KIF16B: variants seen among roughly 807,000 people sequenced by gnomAD.
KIF16B encodes the protein kinesin-like protein KIF16B.
Under a neutral mutation model 156.3 loss-of-function variants are expected in KIF16B, and 98 were observed. That is an observed-to-expected ratio of 0.63 (90% CI 0.53 to 0.74). The LOEUF is 0.74. Among genes scored for constraint, KIF16B ranks in the 30% least tolerant of loss-of-function variants. KIF16B has a pLI of 0.00. For synonymous variants in KIF16B, 564 were observed against 583.7 expected (o/e 0.97, Z 0.49); for missense variants, 1,421 against 1,606.5 (o/e 0.88, Z 1.97).
chr20:16,427,538 TA>T (rs1183305408), intron 14 of KIF16B, among the ~76,000 whole-genome samples: 1 of 151,876 alleles, frequency 6.6e-6, no homozygotes, highest in Admixed American at 6.6e-5. Flanking sequence ...AACAGTCGAG[TA>T]ACTTGTTTTA....
intron 12 of KIF16B, among the ~76,000 whole-genome samples, chr20:16,456,705 C>T (rs944991262): frequency 6.6e-6 from 1 of 152,186 alleles, no homozygotes; most frequent in Admixed American, 6.5e-5. Flanking sequence ...CAACGCTATG[C>T]TCTACTACTC....
chr20:16,452,702 G>A (rs1383969244), intron 12 of KIF16B, among the ~76,000 whole-genome samples: 2 of 152,108 alleles, frequency 1.3e-5, no homozygotes. Flanking sequence ...GGGCGTGGTG[G>A]TGGGTGCCTG....
intron 23 of KIF16B, among the ~76,000 whole-genome samples, chr20:16,354,825 A>G (rs2064406250): frequency 6.6e-6 from 1 of 152,164 alleles, no homozygotes; most frequent in Admixed American, 6.5e-5. Flanking sequence ...ACATGCCTGT[A>G]ATCCCAGCTA....
intron 1 of KIF16B, among the ~76,000 whole-genome samples, chr20:16,567,824 C>T (rs1200312654): frequency 2.6e-5 from 4 of 152,046 alleles, no homozygotes; most frequent in Admixed American, 1.3e-4. Flanking sequence ...TGGTGGCGGG[C>T]GCCTGTAGTC....
chr20:16,440,543 A>G (rs879835676), intron 12 of KIF16B, among the ~76,000 whole-genome samples: 26,250 of 86,364 alleles, frequency 0.3, 2,564 homozygotes, highest in Middle Eastern at 0.35. Context: ...GCACACACAC[A>G]CACACACACA....
chr20:16,472,808 C>A (rs1031898754), intron 12 of KIF16B, among the ~76,000 whole-genome samples: 6 of 152,126 alleles, frequency 3.9e-5, no homozygotes, highest in African/African-American at 1.4e-4. Context: ...TGTGCCACTA[C>A]CATGCCAATC....
chr20:16,544,084 G>A (rs1048988312), intron 1 of KIF16B, among the ~76,000 whole-genome samples: 2 of 152,156 alleles, frequency 1.3e-5, no homozygotes, highest in African/African-American at 4.8e-5. Context: ...CAAACAGGGT[G>A]GAAGTCATCA....
intron 12 of KIF16B, among the ~76,000 whole-genome samples, chr20:16,472,553 T>TAAAAAAAAAAAAAAAA (rs11318601): frequency 3.5e-5 from 4 of 113,560 alleles, no homozygotes; most frequent in Non-Finnish European, 7.0e-5. Flanking sequence ...CATCTGAAAT[T>TAAAAAAAAAAAAAAAA]AAAAAAAAAA....
intron 17 of KIF16B, among the ~76,000 whole-genome samples, chr20:16,403,925 G>C (rs1000171237): frequency 1.3e-5 from 2 of 152,204 alleles, no homozygotes; most frequent in Admixed American, 1.3e-4. Context: ...CAAAGCATGA[G>C]TGATGGAATC....
In KIF16B at chr20:16,381,795, A is replaced by C. The variant is rs1027692784; in HGVS notation, c.1785-48T>G. 4 of 1,462,116 alleles carry C rather than the reference A, an allele frequency of 2.7e-6. No homozygotes were observed. In the African/African-American group the frequency reaches 4.2e-5, roughly 15 times the overall value. The allele number at this position is 1,462,116 out of a possible 1,614,324, so 90.6% of individuals were successfully genotyped here. A position where few individuals can be genotyped will look rare whatever the true frequency, so the allele number is the denominator to read the frequency against. On this transcript the variant is annotated intron_variant, in intron 17 of 25. Coordinates refer to ENST00000354981, the MANE Select transcript of KIF16B (RefSeq NM_024704.5). ...AGTCACTTTTCTAAAGAGCTTTTCT[A>C]TCTCTCTCTCACTCTCTGTATACAG... is the stretch of plus-strand genomic sequence containing the variant.
chr20:16,479,319 A>C (rs1397909441), intron 12 of KIF16B, among the ~76,000 whole-genome samples: 1 of 152,150 alleles, frequency 6.6e-6, no homozygotes, highest in Non-Finnish European at 1.5e-5. Flanking sequence ...AATATAAAGA[A>C]GACACAGGGA....
intron 11 of KIF16B, among the ~76,000 whole-genome samples, chr20:16,495,498 A>T (rs2068424218): frequency 6.6e-6 from 1 of 152,198 alleles, no homozygotes; most frequent in South Asian, 2.1e-4. Context: ...CCTATAGTCA[A>T]TCATTCAGGG....
At position 16,420,955 on chromosome 20, in the gene KIF16B, A is replaced by G. The variant is rs370835007; in HGVS notation, c.1612+6149T>C. On this transcript the variant is annotated intron_variant, in intron 15 of 25. Transcript: ENST00000354981. ...ATAGCACACACATTAAGTTATAATTATTTAAGTTTCAGAGAAATAATGCAT... is the reference window on the plus strand; with the variant it reads ...ATAGCACACACATTAAGTTATAATTGTTTAAGTTTCAGAGAAATAATGCAT... Among the ~76,000 whole-genome samples, 3 of 152,268 alleles carry G rather than the reference A, an allele frequency of 2.0e-5. No individual in the cohort carries two copies. The East Asian group carries it at 5.8e-4, about 29-fold the overall frequency.
At chr20:16,426,744 A>G (rs929962029) in intron 15 of KIF16B, among the ~76,000 whole-genome samples, 1 of 152,166 alleles carries the variant, frequency 6.6e-6, no homozygotes. Context: ...TGTTACAATT[A>G]TATCTATTAA....
At chr20:16,329,839 A>T (rs6075046) in intron 24 of KIF16B, among the ~76,000 whole-genome samples, 22,299 of 152,232 alleles carry the variant, frequency 0.15, 1,735 homozygotes, top group Admixed American at 0.16. Flanking sequence ...ACAACAATTT[A>T]AAAAACCCTG....
At chr20:16,438,363 AATACAACTT>A (rs1017260768) in intron 12 of KIF16B, among the ~76,000 whole-genome samples, 8 of 152,196 alleles carry the variant, frequency 5.3e-5, no homozygotes, top group African/African-American at 1.2e-4. Flanking sequence ...AGAGACTATT[AATACAACTT>A]TTATTACAGT....
At chr20:16,505,680 A>C (rs1194790248) in intron 9 of KIF16B, 42 bp downstream of exon 9, 1 of 1,558,746 alleles carries the variant, frequency 6.4e-7, no homozygotes, top group Admixed American at 1.8e-5. Flanking sequence ...GTTAATTCAC[A>C]GAAAATATTG....
intron 25 of KIF16B, among the ~76,000 whole-genome samples, chr20:16,306,430 A>T (rs1330734995): frequency 6.6e-6 from 1 of 152,178 alleles, no homozygotes; most frequent in Non-Finnish European, 1.5e-5. Flanking sequence ...TCTAATCTTT[A>T]TCGTTTTGGA....
chr20:16,373,980 T>C (rs900267177), intron 20 of KIF16B, among the ~76,000 whole-genome samples: 1 of 152,234 alleles, frequency 6.6e-6, no homozygotes, highest in Admixed American at 6.5e-5. Flanking sequence ...AGAGCCATCC[T>C]GAAACCAATC....
Sources: allele counts gnomAD v4.1 joint callset (sites outside exome capture counted in the v4.1 genomes callset), GRCh38; gene constraint gnomAD v4.1.1; transcripts MANE v1.5; gene names NCBI Gene and HGNC (gene_info 2026-07-23, HGNC 2026-07-21).